Variants in ACACA observed in about 807,000 individuals in gnomAD.
ACACA encodes the protein acetyl-CoA carboxylase 1.
A neutral mutation model predicts 296.1 loss-of-function variants in ACACA; 103 were observed. That is an observed-to-expected ratio of 0.35 (90% CI 0.30 to 0.41). ACACA has a LOEUF of 0.41. Ranked by LOEUF, ACACA falls within the 10% of genes least tolerant of loss-of-function variation. The pLI, the probability that ACACA is intolerant of heterozygous loss-of-function variation, is 1.00. For missense variants in ACACA, 1,554 were observed against 2,989.7 expected (o/e 0.52, Z 11.20); for synonymous variants, 953 against 1,038.6 (o/e 0.92, Z 1.58).
chr17:37,247,881 T>G (rs924686195), intron 18 of ACACA, 130 bp downstream of exon 18: 1 of 1,055,326 alleles, frequency 9.5e-7, no homozygotes, highest in Admixed American at 2.3e-5. Flanking sequence ...GTTAAGTGCA[T>G]GTACTATTTT....
At chr17:37,132,101 A>G (rs1055078900) in intron 45 of ACACA, among the ~76,000 whole-genome samples, 2 of 152,186 alleles carry the variant, frequency 1.3e-5, no homozygotes, top group Non-Finnish European at 2.9e-5. Flanking sequence ...CCATATTACT[A>G]ATAACACCTC....
In ACACA at chr17:37,278,078, C is replaced by A. The variant is rs747738627; in HGVS notation, c.611-73G>T. 4 of 1,123,452 alleles carry A rather than the reference C, an allele frequency of 3.6e-6. No individual in the cohort carries two copies. The East Asian group carries it at 7.1e-5, about 20-fold the overall frequency. 69.6% of individuals were successfully genotyped at this position (1,123,452 alleles called of 1,614,324 possible). A position where few individuals can be genotyped will look rare whatever the true frequency, so the allele number is the denominator to read the frequency against. ...GAAATATAATTGCACAGCAAAACTA[C>A]GTAAAGGTCAGGGACTATCATAAGT... On this transcript the variant is annotated intron_variant, in intron 5 of 55. Coordinates refer to ENST00000616317, the MANE Select transcript of ACACA (RefSeq NM_198834.3).
At chr17:37,279,856 AAT>A (rs2082433854) in intron 5 of ACACA, among the ~76,000 whole-genome samples, 1 of 152,026 alleles carries the variant, frequency 6.6e-6, no homozygotes, top group African/African-American at 2.4e-5. Context: ...ACTGTACATA[AAT>A]ATATATATTT....
chr17:37,362,271 C>T (rs2049432047), intron 1 of ACACA, among the ~76,000 whole-genome samples: 1 of 152,098 alleles, frequency 6.6e-6, no homozygotes, highest in African/African-American at 2.4e-5. Flanking sequence ...ATACAAAATC[C>T]CAAATATATG....
intron 9 of ACACA, among the ~76,000 whole-genome samples, chr17:37,271,657 T>C (rs1347249235): frequency 6.6e-6 from 1 of 150,928 alleles, no homozygotes; most frequent in African/African-American, 2.4e-5. Flanking sequence ...AAAAAAGACA[T>C]AAGGAGTTCA....
intron 3 of ACACA, among the ~76,000 whole-genome samples, chr17:37,309,803 G>A (rs2084046567): frequency 6.6e-6 from 1 of 152,040 alleles, no homozygotes; most frequent in Admixed American, 6.6e-5. Flanking sequence ...TGTAATCCCA[G>A]CACTTTGAGA....
chr17:37,325,998 AG>A (rs1475177060), intron 3 of ACACA, among the ~76,000 whole-genome samples: 1 of 151,282 alleles, frequency 6.6e-6, no homozygotes, highest in Admixed American at 6.6e-5. Flanking sequence ...GCCTGAGATC[AG>A]GAGTTCAAGA....
intron 41 of ACACA, among the ~76,000 whole-genome samples, chr17:37,172,321 T>C (rs1214633852): frequency 6.6e-6 from 1 of 151,974 alleles, no homozygotes; most frequent in Non-Finnish European, 1.5e-5. Flanking sequence ...AAAAAATGAG[T>C]AAAAACTACT....
At chr17:37,318,521 G>A (rs904578047) in intron 3 of ACACA, among the ~76,000 whole-genome samples, 8 of 152,172 alleles carry the variant, frequency 5.3e-5, no homozygotes, top group African/African-American at 1.7e-4. Flanking sequence ...GATTACAGGC[G>A]TGAGCCACCG....
chr17:37,306,953 C>T (rs1408908663), intron 3 of ACACA, among the ~76,000 whole-genome samples: 1 of 152,148 alleles, frequency 6.6e-6, no homozygotes, highest in Admixed American at 6.5e-5. Context: ...CCACCTCAGC[C>T]TCTCAAAGTG....
At chr17:37,140,070 T>C (rs572701115) in intron 45 of ACACA, among the ~76,000 whole-genome samples, 4 of 152,358 alleles carry the variant, frequency 2.6e-5, no homozygotes, top group African/African-American at 9.6e-5. Flanking sequence ...ATGAATGGGA[T>C]TGGCTCCAAA....
At chr17:37,321,589 AAT>A (rs1314091961) in intron 3 of ACACA, among the ~76,000 whole-genome samples, 2 of 152,128 alleles carry the variant, frequency 1.3e-5, no homozygotes, top group Non-Finnish European at 2.9e-5. Flanking sequence ...CTCTACTAAA[AAT>A]ACAAAAATTA....
chr17:37,147,498 C>A (rs2075862272), intron 45 of ACACA, among the ~76,000 whole-genome samples: 1 of 152,280 alleles, frequency 6.6e-6, no homozygotes, highest in Non-Finnish European at 1.5e-5. Context: ...AAAGACAACA[C>A]ACAGAAGGAG....
chr17:37,390,330 A>ATATC (rs1555672373), intron 1 of ACACA, among the ~76,000 whole-genome samples: 595 of 41,566 alleles, frequency 0.014, 93 homozygotes, highest in South Asian at 0.037. Flanking sequence ...ATATATATAT[A>ATATC]TATAAAAGGC....
intron 52 of ACACA, among the ~76,000 whole-genome samples, chr17:37,099,530 A>ATGGAGGGCTGATGGCG (rs2073209129): frequency 1.1e-5 from 1 of 87,912 alleles, no homozygotes; most frequent in Admixed American, 1.2e-4. Flanking sequence ...GGCTGATGGG[A>ATGGAGGGCTGATGGCG]GGAGGGCTGA....
intron 47 of ACACA, among the ~76,000 whole-genome samples, chr17:37,127,837 C>T (rs1161123893): frequency 1.7e-4 from 23 of 132,390 alleles, no homozygotes; most frequent in Non-Finnish European, 3.3e-4. Flanking sequence ...AGTGAGACTC[C>T]GCCTCAAAAA....
chr17:37,134,289 T>G (rs767880861), intron 45 of ACACA, among the ~76,000 whole-genome samples: 1 of 152,188 alleles, frequency 6.6e-6, no homozygotes, highest in Non-Finnish European at 1.5e-5. Context: ...AAAGCCCTTT[T>G]TGGAGATCAA....
At chr17:37,217,279 A>AG (rs2079049525) in intron 29 of ACACA, among the ~76,000 whole-genome samples, 1 of 150,894 alleles carries the variant, frequency 6.6e-6, no homozygotes, top group African/African-American at 2.4e-5. Flanking sequence ...AAAAAAAAAA[A>AG]AAAAAAGCTG....
rs749627029 is a variant in ACACA, at chr17:37,318,287, G to GAGTGC, written c.338+11881_338+11885dup. 3.3e-4 allele frequency among the ~76,000 whole-genome samples: 50 copies of GAGTGC among 152,070 alleles called. 1 individual carries two copies. The highest frequency in any genetic ancestry group is 2.8e-3 in the Admixed American group (42 of 15,268). ...GAGTCTTGCTCTGTTGCTCAGGCTG[G>GAGTGC]AGTGCAGTGCAGTGGCGTGCTGTCA... On this transcript the variant is annotated intron_variant, in intron 3 of 55. Coordinates refer to ENST00000616317, the MANE Select transcript of ACACA (RefSeq NM_198834.3).
Sources: allele counts gnomAD v4.1 joint callset (sites outside exome capture counted in the v4.1 genomes callset), GRCh38; gene constraint gnomAD v4.1.1; transcripts MANE v1.5; gene names NCBI Gene and HGNC (gene_info 2026-07-23, HGNC 2026-07-21).